KLHL22: variants seen among roughly 807,000 people sequenced by gnomAD.
KLHL22 encodes kelch-like protein 22.
In KLHL22, 18 loss-of-function variants were observed where a neutral mutation model predicts 60.7. That is an observed-to-expected ratio of 0.30 (90% CI 0.20 to 0.44). KLHL22 has a LOEUF of 0.44. KLHL22 is among the 20% of genes least tolerant of loss of function. KLHL22 has a pLI of 1.00. For synonymous variants in KLHL22, 355 were observed against 354.5 expected (o/e 1.00, Z -0.01); for missense variants, 596 against 852.3 (o/e 0.70, Z 3.74).
chr22:20,464,962 G>C lies in KLHL22; in HGVS notation c.1008C>G (p.Ala336=). 1 of 1,608,662 alleles carries C rather than the reference G, an allele frequency of 6.2e-7. No homozygotes were observed. Among genetic ancestry groups the C allele is most frequent in the Middle Eastern group, 1.7e-4 (1 of 6,020 alleles). The change falls in exon 4 of 7, where the codon GCC becomes GCG. Residue 336 remains alanine (A), a synonymous_variant. Coordinates refer to ENST00000328879, the MANE Select transcript of KLHL22 (RefSeq NM_032775.4). ...GEWKHFTASL[A]PRMSNQGIAV... Reference sequence around the variant, plus strand: ...CGATGCCCTGGTTGGACATGCGGGGGGCCAGGGAGGCAGTGAAGTGCTTCC... The same window carrying C: ...CGATGCCCTGGTTGGACATGCGGGGCGCCAGGGAGGCAGTGAAGTGCTTCC...
chr22:20,456,938 C>G (rs888203403), intron 5 of KLHL22, among the ~76,000 whole-genome samples: 4 of 152,212 alleles, frequency 2.6e-5, no homozygotes, highest in Non-Finnish European at 5.9e-5. Context: ...CCATCCTCTG[C>G]CTCTCAGGTG....
In KLHL22 at chr22:20,462,276, C is replaced by CAAA. The variant is rs361908; in HGVS notation, c.1112+2579_1112+2581dup. Reference sequence around the variant, plus strand: ...TGGGCGACAGAACGAGACTCTGTCTCAAAAAAAAAAAAAAAAAAATTAAAT... The same window carrying CAAA: ...TGGGCGACAGAACGAGACTCTGTCTCAAAAAAAAAAAAAAAAAAAAAATTAAAT... On this transcript the variant is annotated intron_variant, in intron 4 of 6. Coordinates refer to ENST00000328879, the MANE Select transcript of KLHL22 (RefSeq NM_032775.4). Among the ~76,000 whole-genome samples the CAAA allele has an allele frequency of 6.4e-4, 73 of 114,470 alleles. 2 individuals carry two copies. Among genetic ancestry groups the CAAA allele is most frequent in the African/African-American group, 2.3e-3 (67 of 28,988 alleles). The allele number at this position is 114,470 out of a possible 152,430, so 75.1% of individuals were successfully genotyped here. A position where few individuals can be genotyped will look rare whatever the true frequency, so the allele number is the denominator to read the frequency against.
Position 20,460,839 on chromosome 22 carries a change from A to G in KLHL22, c.1113-2839T>C, listed in dbSNP as rs574608672. Among the ~76,000 whole-genome samples the G allele has an allele frequency of 1.2e-4, 18 of 152,236 alleles. No homozygotes were observed. In the South Asian group the frequency reaches 3.7e-3, roughly 32 times the overall value. On this transcript the variant is annotated intron_variant, in intron 4 of 6. Transcript: ENST00000328879. The stretch of plus-strand genomic sequence containing the variant: ...ATTTTTGCATATAAAGATATAAACA[A>G]TTTTACTTATTGCTATGGACTAGAT...
chr22:20,443,471 T>A (rs1306601274), intron 6 of KLHL22, among the ~76,000 whole-genome samples: 2 of 152,174 alleles, frequency 1.3e-5, no homozygotes, highest in Admixed American at 6.5e-5. Context: ...CCGGGCGTGG[T>A]GGCTCACGCC....
At chr22:20,493,132 C>T (rs1408672886) in intron 1 of KLHL22, 1 of 471,042 alleles carries the variant, frequency 2.1e-6, no homozygotes, top group South Asian at 1.5e-5. Flanking sequence ...CATCAAGCCC[C>T]CAGGTGGATC....
At chr22:20,486,073 C>T (rs1346415059) in intron 2 of KLHL22, among the ~76,000 whole-genome samples, 1 of 139,962 alleles carries the variant, frequency 7.1e-6, no homozygotes, top group South Asian at 2.2e-4. Context: ...GAGGCTGAGG[C>T]AGGAGAATTG....
intron 4 of KLHL22, among the ~76,000 whole-genome samples, chr22:20,459,352 T>G (rs1347701889): frequency 6.6e-6 from 1 of 152,176 alleles, no homozygotes; most frequent in African/African-American, 2.4e-5. Flanking sequence ...CTACCAGGAA[T>G]GCAGCAAACA....
At position 20,471,526 on chromosome 22, in the gene KLHL22, A is replaced by G; in HGVS notation, c.228-11T>C. On this transcript the variant is annotated splice_polypyrimidine_tract_variant and intron_variant, in intron 2 of 6. Transcript: ENST00000328879. ...CCAGCAAACATTCCTCTGCAAAGTG[A>G]AGACACAAGAAAATGGAGTTATACC... 6.2e-7 allele frequency: 1 copy of G among 1,612,146 alleles called. No individual in the cohort carries two copies. The highest frequency in any genetic ancestry group is 1.7e-4 in the Middle Eastern group (1 of 6,040).
intron 5 of KLHL22, chr22:20,450,003 G>A (rs893955773): frequency 3.4e-6 from 2 of 592,792 alleles, no homozygotes; most frequent in Non-Finnish European, 6.2e-6. Flanking sequence ...GCCACCTGCT[G>A]GACCCGCACC....
At chr22:20,470,299 T>A (rs2053294192) in intron 3 of KLHL22, among the ~76,000 whole-genome samples, 1 of 150,720 alleles carries the variant, frequency 6.6e-6, no homozygotes, top group Non-Finnish European at 1.5e-5. Flanking sequence ...CAGTGAACTA[T>A]GATCATGCCA....
rs75172764 is a variant in KLHL22, at chr22:20,451,519, G to A, written c.1306-4843C>T. The A allele has an allele frequency of 2.1e-3, 3,290 of 1,596,416 alleles. 3 individuals carry two copies. Among genetic ancestry groups the A allele is most frequent in the Non-Finnish European group, 2.6e-3 (3,012 of 1,164,564 alleles). On this transcript the variant is annotated intron_variant, in intron 5 of 6. Coordinates refer to ENST00000328879, the MANE Select transcript of KLHL22 (RefSeq NM_032775.4). ...GGCCACCAAGCGTTCTGGTGCAGGA[G>A]TAGCCCTGCTGAATGACCGTATTTA...
intron 2 of KLHL22, among the ~76,000 whole-genome samples, chr22:20,480,735 T>C (rs1229948277): frequency 1.3e-5 from 2 of 151,450 alleles, no homozygotes; most frequent in Non-Finnish European, 2.9e-5. Flanking sequence ...CAAAAAAGTA[T>C]AAAGACTCAC....
In KLHL22 at chr22:20,481,625, T is replaced by C. The variant is rs552766811; in HGVS notation, c.227+7360A>G. ...TTTTTTTCTTTTGTAAACGGAGTCT[T>C]GCTCTGTCGCGCAAGCTGGACTGTA... On this transcript the variant is annotated intron_variant, in intron 2 of 6. Transcript: ENST00000328879. Among the ~76,000 whole-genome samples the C allele has an allele frequency of 7.2e-5, 11 of 152,306 alleles. No homozygotes were observed. The South Asian group carries it at 2.1e-3, about 29-fold the overall frequency.
intron 2 of KLHL22, among the ~76,000 whole-genome samples, chr22:20,474,182 G>T (rs1392660535): frequency 6.6e-6 from 1 of 151,884 alleles, no homozygotes; most frequent in African/African-American, 2.4e-5. Flanking sequence ...TGTATTTTTA[G>T]TAGAGACCGG....
intron 1 of KLHL22, 36 bp from the exon 2 acceptor site, chr22:20,489,280 G>A (rs1408328780): frequency 2.0e-6 from 3 of 1,503,066 alleles, no homozygotes; most frequent in Non-Finnish European, 2.8e-6. Context: ...GGGGTGAGCA[G>A]GCAGGCATCA....
At chr22:20,490,409 T>C (rs1327760935) in intron 1 of KLHL22, among the ~76,000 whole-genome samples, 1 of 152,230 alleles carries the variant, frequency 6.6e-6, no homozygotes, top group Non-Finnish European at 1.5e-5. Context: ...TACATACTTG[T>C]ACAGCATGTT....
At chr22:20,460,929 A>AT (rs1371650065) in intron 4 of KLHL22, among the ~76,000 whole-genome samples, 1 of 152,216 alleles carries the variant, frequency 6.6e-6, no homozygotes, top group Non-Finnish European at 1.5e-5. Context: ...AGTGGGAGGC[A>AT]TGGCCTTTGG....
In KLHL22 at chr22:20,450,427, C is replaced by A. The variant is rs552005811; in HGVS notation, c.1306-3751G>T. ...CAGTACATGTGACATGGAGAATGTACAGGAACTGCTTCCTGCAGCCTGTCT... is the reference window on the plus strand; with the variant it reads ...CAGTACATGTGACATGGAGAATGTAAAGGAACTGCTTCCTGCAGCCTGTCT... On this transcript the variant is annotated intron_variant, in intron 5 of 6. Coordinates refer to ENST00000328879, the MANE Select transcript of KLHL22 (RefSeq NM_032775.4). 3 of 1,539,988 alleles carry A rather than the reference C, an allele frequency of 1.9e-6. No homozygotes were observed. The African/African-American group carries it at 4.1e-5, about 21-fold the overall frequency.
chr22:20,442,217 C>A lies in KLHL22; in HGVS notation c.1761G>T (p.Ala587=). 6.2e-7 allele frequency: 1 copy of A among 1,604,664 alleles called. No homozygotes were observed. Among genetic ancestry groups the A allele is most frequent in the Non-Finnish European group, 8.5e-7 (1 of 1,174,558 alleles). The change falls in exon 7 of 7, where the codon GCG becomes GCT. Residue 587 remains alanine, a synonymous_variant. Coordinates refer to ENST00000328879, the MANE Select transcript of KLHL22 (RefSeq NM_032775.4). ...PQLDNSISGL[A]ACVLTLPRSL... ...AGCGGGGCAGGGTGAGCACACAGGC[C>A]GCCAGGCCTGAGATGGAGTTGTCCA...
Sources: gnomAD v4.1 joint callset for allele counts (sites outside exome capture counted in the v4.1 genomes callset) on GRCh38, gnomAD v4.1.1 for gene constraint, MANE v1.5 for transcripts, NCBI Gene and HGNC (gene_info 2026-07-23, HGNC 2026-07-21) for gene names.